DLG2: variants seen among roughly 807,000 people sequenced by gnomAD.
DLG2 encodes discs large MAGUK scaffold protein 2.
A neutral mutation model predicts 132.5 loss-of-function variants in DLG2; 45 were observed. That is an observed-to-expected ratio of 0.34 (90% CI 0.27 to 0.44). DLG2 has a LOEUF of 0.44. Among genes scored for constraint, DLG2 ranks in the 20% least tolerant of loss-of-function variants. DLG2 has a pLI of 1.00. For missense variants in DLG2, 1,045 were observed against 1,196.9 expected, an observed-to-expected ratio of 0.87 and a Z score of 1.87; for synonymous variants, 424 against 419.6, an observed-to-expected ratio of 1.01 and a Z score of -0.13.
chr11:84,662,764 T>G (rs2099695809), intron 6 of DLG2, among the ~76,000 whole-genome samples: 1 of 126,562 alleles, frequency 7.9e-6, no homozygotes, highest in Admixed American at 1.0e-4. Context: ...TCCAGCCTGG[T>G]CAATAGAGCA....
intron 6 of DLG2, among the ~76,000 whole-genome samples, chr11:84,612,354 C>A (rs1008705524): frequency 1.3e-5 from 2 of 151,726 alleles, no homozygotes; most frequent in East Asian, 1.9e-4. Flanking sequence ...GTATTTCCAC[C>A]ATTTTTCTAT....
chr11:84,548,805 C>T (rs927736501), intron 6 of DLG2, among the ~76,000 whole-genome samples: 4 of 152,088 alleles, frequency 2.6e-5, no homozygotes, highest in African/African-American at 9.7e-5. Flanking sequence ...GCTTGACTCA[C>T]ATTTGAGTGT....
chr11:84,729,126 T>C (rs886304546), intron 6 of DLG2, among the ~76,000 whole-genome samples: 2 of 152,188 alleles, frequency 1.3e-5, no homozygotes, highest in African/African-American at 4.8e-5. Context: ...TGTCTTCTGC[T>C]AGATTTTGAA....
intron 11 of DLG2, among the ~76,000 whole-genome samples, chr11:84,054,768 C>T (rs144365989): frequency 6.6e-6 from 1 of 151,992 alleles, no homozygotes; most frequent in East Asian, 1.9e-4. Flanking sequence ...TTTAATTTGC[C>T]ACAAATCACT....
chr11:85,287,893 TG>T (rs1035500360), intron 3 of DLG2, among the ~76,000 whole-genome samples: 3 of 152,120 alleles, frequency 2.0e-5, no homozygotes, highest in Admixed American at 6.6e-5. Context: ...AAAAAAATTT[TG>T]TAAAGTTGAA....
chr11:84,456,629 A>C (rs185297060), intron 7 of DLG2, among the ~76,000 whole-genome samples: 1 of 151,382 alleles, frequency 6.6e-6, no homozygotes, highest in East Asian at 1.9e-4. Flanking sequence ...AAATATTCAT[A>C]TGGTCACTCC....
rs201006062 is a variant in DLG2 at position 84,534,744 on chromosome 11, A to G, written c.358-13T>C. The G allele has an allele frequency of 3.8e-5, 62 of 1,613,704 alleles. No individual in the cohort carries two copies. The highest frequency in any genetic ancestry group is 5.2e-5 in the Non-Finnish European group (61 of 1,179,608). The stretch of plus-strand genomic sequence containing the variant: ...GATATCGATACTTCTAGGAGAAAAG[A>G]AAAGAAAGGACAAGTATGTATATAT... On this transcript the variant is annotated splice_polypyrimidine_tract_variant and intron_variant, in intron 6 of 27. Coordinates refer to ENST00000376104, the MANE Select transcript of DLG2 (RefSeq NM_001142699.3).
At chr11:84,009,407 A>G (rs1011472327) in intron 11 of DLG2, among the ~76,000 whole-genome samples, 19 of 152,122 alleles carry the variant, frequency 1.2e-4, no homozygotes, top group African/African-American at 4.1e-4. Flanking sequence ...TCTAAAGCTC[A>G]CATACTAAAA....
At chr11:84,323,609 C>A (rs934310159) in intron 7 of DLG2, among the ~76,000 whole-genome samples, 5 of 151,926 alleles carry the variant, frequency 3.3e-5, no homozygotes, top group Non-Finnish European at 7.4e-5. Flanking sequence ...TTTTTGGGAA[C>A]CTGCATACTG....
chr11:84,138,471 C>A (rs2094696138), intron 9 of DLG2, among the ~76,000 whole-genome samples: 1 of 152,128 alleles, frequency 6.6e-6, no homozygotes, highest in Admixed American at 6.5e-5. Context: ...GTTGTAATGT[C>A]GATCAAACCA....
At chr11:84,833,674 A>C (rs1315451808) in intron 6 of DLG2, among the ~76,000 whole-genome samples, 1 of 151,492 alleles carries the variant, frequency 6.6e-6, no homozygotes, top group African/African-American at 2.4e-5. Flanking sequence ...GTGGGCAATT[A>C]TTCTTACCTT....
intron 6 of DLG2, among the ~76,000 whole-genome samples, chr11:84,724,279 A>G (rs1249231294): frequency 2.0e-5 from 3 of 152,152 alleles, no homozygotes; most frequent in African/African-American, 4.8e-5. Flanking sequence ...TTCTAAATAC[A>G]TTTTTATGAA....
At chr11:84,923,216 G>A (rs2092842429) in intron 6 of DLG2, 10 of 1,584,204 alleles carry the variant, frequency 6.3e-6, no homozygotes, top group Non-Finnish European at 7.7e-6. Context: ...AAGAGCATCC[G>A]TTCCCTCTGT....
intron 17 of DLG2, among the ~76,000 whole-genome samples, chr11:83,794,437 G>GTTTTTTTTTTT (rs200672667): frequency 6.3e-5 from 8 of 127,496 alleles, no homozygotes; most frequent in Admixed American, 1.7e-4. Flanking sequence ...TTTACTATTG[G>GTTTTTTTTTTT]TTTTTTTTTT....
intron 16 of DLG2, among the ~76,000 whole-genome samples, chr11:83,851,857 T>C (rs1211585712): frequency 6.6e-6 from 1 of 151,300 alleles, no homozygotes; most frequent in Non-Finnish European, 1.5e-5. Flanking sequence ...AGGCGGAGAT[T>C]GCAGTCAGCC....
chr11:84,762,886 G>A (rs2067836199), intron 6 of DLG2, among the ~76,000 whole-genome samples: 1 of 152,060 alleles, frequency 6.6e-6, no homozygotes, highest in Non-Finnish European at 1.5e-5. Context: ...CCTATGGGAG[G>A]AGGCAGGGTG....
chr11:85,034,981 C>G (rs1360854052), intron 6 of DLG2, among the ~76,000 whole-genome samples: 7 of 152,278 alleles, frequency 4.6e-5, no homozygotes, highest in Admixed American at 4.6e-4. Context: ...GCACCAGCCA[C>G]TAGATAAATA....
At chr11:84,052,991 A>G (rs2092332029) in intron 11 of DLG2, among the ~76,000 whole-genome samples, 1 of 152,098 alleles carries the variant, frequency 6.6e-6, no homozygotes, top group South Asian at 2.1e-4. Context: ...ACTATTCACA[A>G]TAGCAAAGAC....
intron 7 of DLG2, among the ~76,000 whole-genome samples, chr11:84,383,898 G>A (rs2098758053): frequency 6.6e-6 from 1 of 152,020 alleles, no homozygotes; most frequent in South Asian, 2.1e-4. Flanking sequence ...GTGGAAATGT[G>A]TTACGCAGCA....
Sources: gnomAD v4.1 joint callset for allele counts (sites outside exome capture counted in the v4.1 genomes callset) on GRCh38, gnomAD v4.1.1 for gene constraint, MANE v1.5 for transcripts, NCBI Gene and HGNC (gene_info 2026-07-23, HGNC 2026-07-21) for gene names.